The following HERC1 variants were observed in gnomAD, a reference collection of about 807,000 sequenced individuals.
The protein encoded by HERC1 is probable E3 ubiquitin-protein ligase HERC1.
Under a neutral mutation model 554.3 loss-of-function variants are expected in HERC1, and 160 were observed. That is an observed-to-expected ratio of 0.29 (90% CI 0.25 to 0.33). HERC1 has a LOEUF of 0.33. HERC1 is among the 10% of genes least tolerant of loss of function. The probability of loss-of-function intolerance (pLI) is 1.00; values close to 1 mark genes in which losing one functional copy is unlikely to be tolerated. For missense variants in HERC1, 4,919 were observed against 5,918.5 expected, an observed-to-expected ratio of 0.83 and a Z score of 5.54; for synonymous variants, 2,175 against 2,131.7, an observed-to-expected ratio of 1.02 and a Z score of -0.56.
intron 43 of HERC1, 27 bp from the exon 44 acceptor site, chr15:63,663,231 T>A (rs754230650): frequency 2.2e-5 from 34 of 1,576,208 alleles, no homozygotes; most frequent in Non-Finnish European, 2.9e-5. Context: ...AAAGGCATTT[T>A]ATTTGCATGC....
At chr15:63,798,146 G>C (rs1432431552) in intron 1 of HERC1, among the ~76,000 whole-genome samples, 1 of 152,114 alleles carries the variant, frequency 6.6e-6, no homozygotes, top group African/African-American at 2.4e-5. Context: ...TTCAACCCCA[G>C]AATCAGTGCT....
rs750286687 is a variant in HERC1, at chr15:63,615,801, G to A, written c.14061C>T (p.Ala4687=). Residue 4687 remains alanine (A), a synonymous_variant, in exon 76 of 78, where the codon GCC becomes GCT. Coordinates refer to ENST00000443617, the MANE Select transcript of HERC1 (RefSeq NM_003922.4). Reference sequence around the variant, plus strand: ...CCATCTCATGAAGTCGATATTCAATGGCCCTCTCCACATATTCCTTCCTGT... The same window carrying A: ...CCATCTCATGAAGTCGATATTCAATAGCCCTCTCCACATATTCCTTCCTGT... ...FSNRKEYVER[A]IEYRLHEMDR... 2 of 1,603,792 alleles carry A rather than the reference G, an allele frequency of 1.2e-6. No homozygotes were observed. The highest frequency in any genetic ancestry group is 3.5e-5 in the Admixed American group (2 of 57,626).
intron 1 of HERC1, among the ~76,000 whole-genome samples, chr15:63,825,057 C>T (rs2077844530): frequency 6.6e-6 from 1 of 152,046 alleles, no homozygotes; most frequent in South Asian, 2.1e-4. Context: ...GTAATCAATC[C>T]CAGCACTGTG....
Position 63,727,512 on chromosome 15 carries a change from C to A in HERC1, c.3346+135G>T. The A allele has an allele frequency of 1.7e-6, 1 of 605,608 alleles. No individual in the cohort carries two copies. The highest frequency in any genetic ancestry group is 3.0e-5 in the South Asian group (1 of 32,936). 37.5% of individuals were successfully genotyped at this position (605,608 alleles called of 1,614,324 possible). A position where few individuals can be genotyped will look rare whatever the true frequency, so the allele number is the denominator to read the frequency against. The stretch of plus-strand genomic sequence containing the variant: ...AGAGGACTTACTTAAATTTGAAAAG[C>A]TTTTAAGATTTCAGTGATGAAATTC... On this transcript the variant is annotated intron_variant, in intron 17 of 77. Transcript: ENST00000443617. The surrounding 1 kb of genome is among the most constrained non-coding windows in gnomAD (Gnocchi z 4.3).
intron 1 of HERC1, among the ~76,000 whole-genome samples, chr15:63,825,853 C>T (rs2077882076): frequency 6.6e-6 from 1 of 152,048 alleles, no homozygotes; most frequent in Admixed American, 6.6e-5. Context: ...ACCTCCACCT[C>T]CTGGGTTCAA....
intron 66 of HERC1, among the ~76,000 whole-genome samples, chr15:63,634,230 G>A (rs2068684669): frequency 6.6e-6 from 1 of 152,156 alleles, no homozygotes. Context: ...AAAGATAGAG[G>A]AAAAGTATAC....
At chr15:63,817,773 T>C (rs1001578276) in intron 1 of HERC1, among the ~76,000 whole-genome samples, 13 of 152,144 alleles carry the variant, frequency 8.5e-5, no homozygotes, top group African/African-American at 1.7e-4. Flanking sequence ...GATAGAAATA[T>C]AGATGAAACA....
At chr15:63,632,585 G>A (rs1404296148) in intron 68 of HERC1, 124 bp downstream of exon 68, 1 of 711,324 alleles carries the variant, frequency 1.4e-6, no homozygotes, top group Admixed American at 2.0e-5. Flanking sequence ...CTGAAAGGAG[G>A]TCATAGTGAC....
At position 63,640,292 on chromosome 15, in the gene HERC1, G is replaced by T; in HGVS notation, c.11761C>A (p.Pro3921Thr). 6.2e-7 allele frequency: 1 copy of T among 1,613,928 alleles called. No individual in the cohort carries two copies. Among genetic ancestry groups the T allele is most frequent in the Middle Eastern group, 1.7e-4 (1 of 6,060 alleles). ...CATTCTAACCAGGCCCATTCATTTG[G>T]ATTCCAGGATGCAGGGTCAGGGAGA... ...NCLPDPASWN[P>T]NEWAWLECFS... Residue 3921 changes from proline to threonine, a missense_variant, in exon 61 of 78, where the codon CCA becomes ACA. This residue lies in a region of HERC1 where 1,963 missense variants were observed against 2,228.6 expected (regional missense o/e 0.88). Coordinates refer to ENST00000443617, the MANE Select transcript of HERC1 (RefSeq NM_003922.4).
intron 1 of HERC1, among the ~76,000 whole-genome samples, chr15:63,807,940 T>C (rs1181995318): frequency 6.6e-6 from 1 of 152,132 alleles, no homozygotes; most frequent in Non-Finnish European, 1.5e-5. Flanking sequence ...TTATCTTTCT[T>C]ATCTTGGAAT....
chr15:63,718,080 T>A lies in HERC1; in HGVS notation c.3978+494A>T, dbSNP rs1251140778. On this transcript the variant is annotated intron_variant, in intron 21 of 77. Transcript: ENST00000443617. This position sits in a 1 kb window ranked among gnomAD's most constrained non-coding sequence, Gnocchi z 4.2. ...TTAAGTATTTTTAAGGCAGCTATTA[T>A]GTGACACACACACACACACACACAC... Among the ~76,000 whole-genome samples, 1 of 91,512 alleles carries A rather than the reference T, an allele frequency of 1.1e-5. No individual in the cohort carries two copies. Among genetic ancestry groups the A allele is most frequent in the Non-Finnish European group, 2.4e-5 (1 of 42,098 alleles). The allele number at this position is 91,512 out of a possible 152,430, so 60.0% of individuals were successfully genotyped here. A position where few individuals can be genotyped will look rare whatever the true frequency, so the allele number is the denominator to read the frequency against.
chr15:63,702,876 T>TG (rs1244320029), intron 25 of HERC1, among the ~76,000 whole-genome samples: 1 of 151,672 alleles, frequency 6.6e-6, no homozygotes, highest in South Asian at 2.1e-4. Context: ...GAGACCAAGG[T>TG]GGGGGGATCA....
intron 1 of HERC1, among the ~76,000 whole-genome samples, chr15:63,817,341 A>T (rs1218337291): frequency 2.0e-5 from 3 of 152,190 alleles, no homozygotes; most frequent in Non-Finnish European, 4.4e-5. Context: ...CTATAAAAAG[A>T]GATAGACACT....
chr15:63,717,264 G>A (rs1269328325), intron 21 of HERC1, among the ~76,000 whole-genome samples: 7 of 152,022 alleles, frequency 4.6e-5, no homozygotes, highest in Non-Finnish European at 1.0e-4. Context: ...CAACAAAATG[G>A]CAAATTAATA....
In HERC1 at chr15:63,616,571, C is replaced by A; in HGVS notation, c.13800G>T (p.Leu4600Phe). The change falls in exon 75 of 78, where the codon TTG becomes TTT. Residue 4600 changes from leucine to phenylalanine, a missense_variant. Leu to Phe is a conservative substitution (Grantham distance 22). Coordinates refer to ENST00000443617, the MANE Select transcript of HERC1 (RefSeq NM_003922.4). ...IRTKKPLDLH[L>F]APLVWKQLCC... ...ACAGCTGCTTCCACACCAGAGGGGC[C>A]AAGTGGAGGTCCAGAGGCTTCTTTG... The A allele has an allele frequency of 6.2e-7, 1 of 1,614,012 alleles. No homozygotes were observed. Among genetic ancestry groups the A allele is most frequent in the Non-Finnish European group, 8.5e-7 (1 of 1,179,892 alleles).
chr15:63,733,495 A>G (rs2074379358), intron 13 of HERC1, among the ~76,000 whole-genome samples: 1 of 152,192 alleles, frequency 6.6e-6, no homozygotes, highest in African/African-American at 2.4e-5. Context: ...ACCAATGACA[A>G]TTACTTATTC....
intron 1 of HERC1, among the ~76,000 whole-genome samples, chr15:63,819,448 G>C (rs1596322600): frequency 6.6e-6 from 1 of 152,168 alleles, no homozygotes; most frequent in Non-Finnish European, 1.5e-5. Context: ...ACTCTAGACA[G>C]TTTGCTTAAC....
chr15:63,771,124 G>T (rs1452094284), intron 2 of HERC1, among the ~76,000 whole-genome samples: 1 of 151,936 alleles, frequency 6.6e-6, no homozygotes. Context: ...AGGAGGCAGA[G>T]GTTGCAGTGA....
At chr15:63,825,493 A>T (rs1163118716) in intron 1 of HERC1, among the ~76,000 whole-genome samples, 2 of 152,324 alleles carry the variant, frequency 1.3e-5, no homozygotes, top group East Asian at 3.9e-4. Flanking sequence ...GTACACATTA[A>T]ATTTATACAA....
Sources: allele counts gnomAD v4.1 joint callset (sites outside exome capture counted in the v4.1 genomes callset), GRCh38; gene constraint gnomAD v4.1.1; regional missense constraint gnomAD v4.1.1; non-coding constraint Gnocchi (gnomAD v3.1); transcripts MANE v1.5; gene names NCBI Gene and HGNC (gene_info 2026-07-23, HGNC 2026-07-21).